Variants in GPHN observed in about 807,000 individuals in gnomAD.
GPHN encodes gephyrin.
A neutral mutation model predicts 95.5 loss-of-function variants in GPHN; 17 were observed. That is an observed-to-expected ratio of 0.18 (90% CI 0.12 to 0.27). The LOEUF (loss-of-function observed/expected upper bound fraction) is 0.27, where lower values mean the gene tolerates loss of function less well. Ranked by LOEUF, GPHN falls within the 10% of genes least tolerant of loss-of-function variation. The probability of loss-of-function intolerance (pLI) is 1.00; values close to 1 mark genes in which losing one functional copy is unlikely to be tolerated. For missense variants in GPHN, 660 were observed against 978.1 expected (o/e 0.67, Z 4.34); for synonymous variants, 320 against 322.5 (o/e 0.99, Z 0.08).
chr14:67,343,291 C>T, the GPHN span: 68 of 1,078,468 alleles, frequency 6.3e-5, no homozygotes, highest in African/African-American at 1.6e-5. Context: ...GTCTTCAGTA[C>T]AGTCCCTGAA....
At chr14:67,076,383 C>T (rs990145878) in intron 11 of GPHN, among the ~76,000 whole-genome samples, 1 of 152,126 alleles carries the variant, frequency 6.6e-6, no homozygotes, top group Non-Finnish European at 1.5e-5. Flanking sequence ...AATCACTGTA[C>T]TGCAATACTC....
the GPHN span, among the ~76,000 whole-genome samples, chr14:67,460,650 G>A: frequency 8.5e-5 from 13 of 152,280 alleles, no homozygotes; most frequent in Non-Finnish European, 1.5e-4. Flanking sequence ...GTTGTGGTGA[G>A]CCAAGATTGC....
At chr14:66,899,890 C>T (rs1446509417) in intron 5 of GPHN, among the ~76,000 whole-genome samples, 1 of 151,714 alleles carries the variant, frequency 6.6e-6, no homozygotes. Flanking sequence ...AACCATCTGT[C>T]CTAGAGCTTT....
the GPHN span, among the ~76,000 whole-genome samples, chr14:67,326,433 A>G: frequency 6.6e-6 from 1 of 151,414 alleles, no homozygotes. Flanking sequence ...AACAATATGC[A>G]ATATATTTGA....
chr14:67,077,756 A>G (rs2076551769), intron 11 of GPHN, among the ~76,000 whole-genome samples: 2 of 152,182 alleles, frequency 1.3e-5, no homozygotes, highest in South Asian at 4.1e-4. Flanking sequence ...TGAATTTTAT[A>G]TGTGTACTAC....
intron 2 of GPHN, among the ~76,000 whole-genome samples, chr14:66,724,443 C>T (rs558734519): frequency 6.6e-6 from 1 of 152,226 alleles, no homozygotes; most frequent in African/African-American, 2.4e-5. Flanking sequence ...TTCCAATTAG[C>T]CTTTCTTTTT....
At chr14:67,441,394 C>T in the GPHN span, among the ~76,000 whole-genome samples, 6 of 152,160 alleles carry the variant, frequency 3.9e-5, no homozygotes, top group Admixed American at 1.3e-4. Context: ...CACTGGTCTC[C>T]AAGCTCAAGA....
At chr14:66,633,121 A>G (rs1037311465) in intron 1 of GPHN, among the ~76,000 whole-genome samples, 4 of 152,150 alleles carry the variant, frequency 2.6e-5, no homozygotes, top group African/African-American at 9.7e-5. Flanking sequence ...AAATTTAATC[A>G]TATACTGTCA....
At position 66,837,145 on chromosome 14, in the gene GPHN, G is replaced by A. The variant is rs1418795467; in HGVS notation, c.294+12579G>A. Among the ~76,000 whole-genome samples, 396 of 150,444 alleles carry A rather than the reference G, an allele frequency of 2.6e-3. 7 individuals carry two copies. The highest frequency in any genetic ancestry group is 9.2e-3 in the African/African-American group (369 of 40,068). On this transcript the variant is annotated intron_variant, in intron 4 of 22. Transcript: ENST00000478722. ...TGCTGCTATAAAGACACATGCACACGTATGTTTATTACGGCATTATTCACA... is the reference window on the plus strand; with the variant it reads ...TGCTGCTATAAAGACACATGCACACATATGTTTATTACGGCATTATTCACA...
the GPHN span, among the ~76,000 whole-genome samples, chr14:67,406,961 A>G: frequency 1.1e-3 from 165 of 152,250 alleles, no homozygotes; most frequent in African/African-American, 3.8e-3. Flanking sequence ...GGCTGGAACC[A>G]GAGGCCAGCT....
At chr14:66,799,692 A>G (rs924306537) in intron 3 of GPHN, among the ~76,000 whole-genome samples, 2 of 151,718 alleles carry the variant, frequency 1.3e-5, no homozygotes, top group African/African-American at 2.4e-5. Flanking sequence ...TTTTCAGTCT[A>G]TGGTGTCTTT....
At chr14:67,527,025 T>C in the GPHN span, among the ~76,000 whole-genome samples, 5 of 152,286 alleles carry the variant, frequency 3.3e-5, no homozygotes, top group East Asian at 9.7e-4. Context: ...TGCAATGGCT[T>C]GGTCAGCTCA....
intron 3 of GPHN, among the ~76,000 whole-genome samples, chr14:66,804,797 G>A (rs2060485263): frequency 6.6e-6 from 1 of 152,152 alleles, no homozygotes; most frequent in Non-Finnish European, 1.5e-5. Flanking sequence ...TTATAATTAT[G>A]TGATGTTTTC....
intron 2 of GPHN, among the ~76,000 whole-genome samples, chr14:66,696,273 A>T (rs2068092511): frequency 6.6e-6 from 1 of 152,228 alleles, no homozygotes. Flanking sequence ...ACGTTTTTAA[A>T]GTCTGCTCAA....
At chr14:67,512,642 C>T in the GPHN span, among the ~76,000 whole-genome samples, 9 of 152,088 alleles carry the variant, frequency 5.9e-5, no homozygotes, top group African/African-American at 2.2e-4. Context: ...ATACAGTTGC[C>T]GATAAGACCA....
the GPHN span, chr14:67,600,161 G>A: frequency 1.3e-6 from 2 of 1,589,562 alleles, no homozygotes; most frequent in Non-Finnish European, 1.7e-6. Flanking sequence ...TGCAGCGCCA[G>A]GCGGCCGCCG....
chr14:67,308,631 C>T, the GPHN span, among the ~76,000 whole-genome samples: 35 of 151,068 alleles, frequency 2.3e-4, no homozygotes, highest in African/African-American at 7.1e-4. Flanking sequence ...CTGCAACCTC[C>T]GCCTCCTGGG....
chr14:67,328,163 T>C, the GPHN span, among the ~76,000 whole-genome samples: 1 of 152,256 alleles, frequency 6.6e-6, no homozygotes, highest in African/African-American at 2.4e-5. Flanking sequence ...GACTTTTTAA[T>C]GATCGCCATT....
the GPHN span, among the ~76,000 whole-genome samples, chr14:67,474,308 A>G: frequency 9.2e-5 from 14 of 151,364 alleles, no homozygotes; most frequent in Non-Finnish European, 1.6e-4. Context: ...CACCCACCCC[A>G]CTGACTTCTC....
Sources: gnomAD v4.1 joint callset for allele counts (sites outside exome capture counted in the v4.1 genomes callset) on GRCh38, gnomAD v4.1.1 for gene constraint, MANE v1.5 for transcripts, NCBI Gene and HGNC (gene_info 2026-07-23, HGNC 2026-07-21) for gene names.